SEPTIN6: variants seen among roughly 807,000 people sequenced by gnomAD.
The protein encoded by SEPTIN6 is septin-6.
SEPTIN6 carries 8 observed loss-of-function variants against 33.6 expected under a neutral mutation model. That is an observed-to-expected ratio of 0.24 (90% CI 0.14 to 0.43). SEPTIN6 has a LOEUF of 0.43. Ranked by LOEUF, SEPTIN6 falls within the 20% of genes least tolerant of loss-of-function variation. SEPTIN6 has a pLI of 1.00. For synonymous variants in SEPTIN6, 131 were observed against 140.0 expected (o/e 0.94, Z 0.45); for missense variants, 250 against 340.8 (o/e 0.73, Z 2.10).
In SEPTIN6 at chrX:119,631,904, A is replaced by G. The variant is rs751018830; in HGVS notation, c.1089+1456T>C. Among the ~76,000 whole-genome samples the G allele has an allele frequency of 3.7e-5, 4 of 108,847 alleles. No individual in the cohort carries two copies. The South Asian group carries it at 1.2e-3, about 33-fold the overall frequency. 94.5% of individuals were successfully genotyped at this position (108,847 alleles called of 115,157 possible). Reference sequence around the variant, plus strand: ...CAGTCTCCCAAGTAGCTGGGACTACAGGTGCGTACCACCACACCTGGCTAA... The same window carrying G: ...CAGTCTCCCAAGTAGCTGGGACTACGGGTGCGTACCACCACACCTGGCTAA... On this transcript the variant is annotated intron_variant, in intron 8 of 10. Transcript: ENST00000394610.
At chrX:119,650,206 T>C in intron 4 of SEPTIN6, 108 bp from the exon 5 acceptor site, 1 of 765,003 alleles carries the variant, frequency 1.3e-6, no homozygotes, top group Non-Finnish European at 1.9e-6. Context: ...AGCCCAGTGG[T>C]CAAAGACTGG....
intron 5 of SEPTIN6, among the ~76,000 whole-genome samples, chrX:119,645,586 G>A (rs181398933): frequency 9.0e-6 from 1 of 110,532 alleles, no homozygotes; most frequent in African/African-American, 3.3e-5. Context: ...TAGTAGAGAC[G>A]GGGTTTCTCC....
intron 5 of SEPTIN6, among the ~76,000 whole-genome samples, chrX:119,645,697 A>AT (rs755629263): frequency 2.1e-3 from 226 of 110,214 alleles, no homozygotes; most frequent in African/African-American, 7.2e-3. Context: ...GCGCCTGGTA[A>AT]TTTTTTGTAT....
chrX:119,673,163 G>T (rs1384562937), intron 2 of SEPTIN6, among the ~76,000 whole-genome samples: 1 of 111,332 alleles, frequency 9.0e-6, no homozygotes, highest in East Asian at 2.8e-4. Context: ...TTGAGCTTAG[G>T]AGTTCAAGAA....
intron 10 of SEPTIN6, among the ~76,000 whole-genome samples, chrX:119,623,333 GT>G (rs1252276652): frequency 1.8e-5 from 2 of 111,644 alleles, no homozygotes; most frequent in South Asian, 3.7e-4. Context: ...TTGTGGTTAT[GT>G]TTTTTTAAAG....
intron 2 of SEPTIN6, among the ~76,000 whole-genome samples, chrX:119,672,125 C>T (rs965180368): frequency 2.7e-5 from 3 of 111,764 alleles, no homozygotes; most frequent in Non-Finnish European, 3.8e-5. Context: ...TTAACCCAGT[C>T]GGGGCTGGCC....
chrX:119,673,642 G>A (rs1054192023), intron 2 of SEPTIN6, among the ~76,000 whole-genome samples: 7 of 109,626 alleles, frequency 6.4e-5, no homozygotes, highest in Non-Finnish European at 1.3e-4. Context: ...CGAGGTGGGC[G>A]GATCACTTGA....
rs752515179 is a variant in SEPTIN6 at position 119,639,221 on chromosome X, C to A, written c.787+1471G>T. Among the ~76,000 whole-genome samples, 141 of 111,899 alleles carry A rather than the reference C, an allele frequency of 1.3e-3. 1 individual carries two copies. The highest frequency in any genetic ancestry group is 4.7e-3 in the Admixed American group (49 of 10,531). ...GCCTTCGTATGTGATGTGGACAACTCGCCATCCACTTTCAGGTGTTTCCCC... is the reference window on the plus strand; with the variant it reads ...GCCTTCGTATGTGATGTGGACAACTAGCCATCCACTTTCAGGTGTTTCCCC... On this transcript the variant is annotated intron_variant, in intron 6 of 10. Coordinates refer to ENST00000394610, the MANE Select transcript of SEPTIN6 (RefSeq NM_145799.4).
In SEPTIN6 at chrX:119,617,934, C is replaced by G; in HGVS notation, c.*2159G>C. 1 of 804,494 alleles carries G rather than the reference C, an allele frequency of 1.2e-6. No individual in the cohort carries two copies. The allele number at this position is 804,494 out of a possible 1,213,427, so 66.3% of individuals were successfully genotyped here. Reference sequence around the variant, plus strand: ...GCTTCTCAAGCCTTAACTAGTTAATCTGTACACAAATGCAAATGAGGGCGC... The same window carrying G: ...GCTTCTCAAGCCTTAACTAGTTAATGTGTACACAAATGCAAATGAGGGCGC... On this transcript the variant is annotated 3_prime_UTR_variant, in exon 11 of 11. Transcript: ENST00000394610.
At chrX:119,654,997 T>C (rs758268137) in intron 3 of SEPTIN6, among the ~76,000 whole-genome samples, 3 of 111,581 alleles carry the variant, frequency 2.7e-5, no homozygotes, top group African/African-American at 6.5e-5. Flanking sequence ...TAGTTGATGA[T>C]GGCACTGCTT....
chrX:119,633,889 C>A (rs987465111), intron 7 of SEPTIN6, among the ~76,000 whole-genome samples: 1 of 111,865 alleles, frequency 8.9e-6, no homozygotes, highest in Admixed American at 9.5e-5. Flanking sequence ...GGCCCTGGCT[C>A]TGAAACTGAC....
At chrX:119,649,111 A>ATTTTTT (rs200217501) in intron 5 of SEPTIN6, among the ~76,000 whole-genome samples, 14 of 75,684 alleles carry the variant, frequency 1.8e-4, no homozygotes, top group East Asian at 4.2e-4. Context: ...CATAACGCTG[A>ATTTTTT]TTTTTTTTTT....
Position 119,629,466 on chromosome X carries a change from C to T in SEPTIN6, c.1132G>A (p.Glu378Lys). The T allele has an allele frequency of 5.8e-6, 7 of 1,211,363 alleles. No homozygotes were observed. Among genetic ancestry groups the T allele is most frequent in the Non-Finnish European group, 7.8e-6 (7 of 895,322 alleles). ...FDRLKKLHQD[E>K]KKKLEDKKKS... ...TTCTTATCCTCCAGTTTCTTCTTCT[C>T]GTCCTGGTGCAGTTTCTTCAGACGG... Residue 378 changes from glutamate (E) to lysine (K), a missense_variant, in exon 9 of 11, where the codon GAG becomes AAG. Physicochemically the swap from Glu to Lys is moderately conservative, Grantham distance 56. Transcript: ENST00000394610.
Position 119,664,086 on chromosome X carries a change from C to T in SEPTIN6, c.146-409G>A, listed in dbSNP as rs536454816. ...GCAACCTCCATCTCCCGGGTTCAAGCGATTCTCCTACCTCAGCCTCCCGAG... is the reference window on the plus strand; with the variant it reads ...GCAACCTCCATCTCCCGGGTTCAAGTGATTCTCCTACCTCAGCCTCCCGAG... On this transcript the variant is annotated intron_variant, in intron 2 of 10. Coordinates refer to ENST00000394610, the MANE Select transcript of SEPTIN6 (RefSeq NM_145799.4). Among the ~76,000 whole-genome samples the T allele has an allele frequency of 8.1e-5, 9 of 110,700 alleles. No individual in the cohort carries two copies. The South Asian group carries it at 1.5e-3, about 19-fold the overall frequency.
intron 1 of SEPTIN6, among the ~76,000 whole-genome samples, chrX:119,685,639 A>G (rs755395529): frequency 9.0e-6 from 1 of 111,417 alleles, no homozygotes; most frequent in South Asian, 3.8e-4. Flanking sequence ...GCCCCTGTCG[A>G]GCCAACGGCC....
chrX:119,691,717 T>G lies in SEPTIN6; in HGVS notation c.30+1359A>C, dbSNP rs765541733. ...ATTATCAGATTCTGGCTTCAGATTTTGTAAAATCAATTTCAATTACACCAA... is the reference window on the plus strand; with the variant it reads ...ATTATCAGATTCTGGCTTCAGATTTGGTAAAATCAATTTCAATTACACCAA... On this transcript the variant is annotated intron_variant, in intron 1 of 10. Transcript: ENST00000394610. Among the ~76,000 whole-genome samples the G allele has an allele frequency of 1.9e-3, 214 of 112,822 alleles. 1 individual carries two copies. The highest frequency in any genetic ancestry group is 6.7e-3 in the African/African-American group (209 of 31,120).
At chrX:119,665,103 C>CTTCT (rs1185730439) in intron 2 of SEPTIN6, among the ~76,000 whole-genome samples, 1 of 91,785 alleles carries the variant, frequency 1.1e-5, no homozygotes, top group African/African-American at 4.3e-5. Flanking sequence ...TCTTCTTCTT[C>CTTCT]TTTTTTTTTT....
intron 3 of SEPTIN6, among the ~76,000 whole-genome samples, chrX:119,655,246 C>T (rs1021541571): frequency 9.1e-6 from 1 of 110,249 alleles, no homozygotes; most frequent in Non-Finnish European, 1.9e-5. Context: ...TTGGTGTAGA[C>T]GAATCCTAAA....
chrX:119,634,230 G>A (rs376277820), intron 7 of SEPTIN6, among the ~76,000 whole-genome samples: 3 of 110,353 alleles, frequency 2.7e-5, no homozygotes, highest in African/African-American at 6.6e-5. Flanking sequence ...TTAGCCAGGC[G>A]TCGTAGTGGG....
Sources: gnomAD v4.1 joint callset for allele counts (sites outside exome capture counted in the v4.1 genomes callset) on GRCh38, gnomAD v4.1.1 for gene constraint, MANE v1.5 for transcripts, NCBI Gene and HGNC (gene_info 2026-07-23, HGNC 2026-07-21) for gene names.